The following REDIC1 variants were observed in gnomAD, a reference collection of about 807,000 sequenced individuals.
REDIC1 encodes HEI10 Interacting Protein 1.
chr12:39,802,625 CTATT>C, the REDIC1 span, among the ~76,000 whole-genome samples: 1 of 152,160 alleles, frequency 6.6e-6, no homozygotes, highest in South Asian at 2.1e-4. Context: ...AGACCGTTAT[CTATT>C]TATCTGTCTA....
At chr12:39,900,488 A>G in the REDIC1 span, among the ~76,000 whole-genome samples, 1 of 152,212 alleles carries the variant, frequency 6.6e-6, no homozygotes, top group East Asian at 1.9e-4. Context: ...ACTTCAGCAA[A>G]GTCTCAGGAT....
the REDIC1 span, among the ~76,000 whole-genome samples, chr12:39,698,452 A>G: frequency 2.6e-5 from 4 of 152,196 alleles, no homozygotes; most frequent in Admixed American, 2.0e-4. Flanking sequence ...CAGAAAGAAC[A>G]CTGATGAAAA....
the REDIC1 span, among the ~76,000 whole-genome samples, chr12:39,672,055 G>A: frequency 1.3e-4 from 20 of 152,012 alleles, no homozygotes; most frequent in Admixed American, 2.0e-4. Flanking sequence ...CAGGACAAGC[G>A]CCAGGACTCT....
the REDIC1 span, among the ~76,000 whole-genome samples, chr12:39,687,895 CAA>C: frequency 4.1e-4 from 62 of 152,252 alleles, no homozygotes; most frequent in African/African-American, 1.4e-3. Flanking sequence ...GTCTTCACAG[CAA>C]AAGAGACTGA....
At chr12:39,785,523 GGAAATGTGGGGTCAGAGCCCCCACAGA>G in the REDIC1 span, among the ~76,000 whole-genome samples, 4 of 152,338 alleles carry the variant, frequency 2.6e-5, no homozygotes, top group East Asian at 7.7e-4. Flanking sequence ...ACTGCTGAAG[GGAAATGTGGGGTCAGAGCCCCCACAGA>G]GAGTCCCTAC....
At chr12:39,734,712 A>C in the REDIC1 span, among the ~76,000 whole-genome samples, 17 of 152,196 alleles carry the variant, frequency 1.1e-4, no homozygotes, top group Admixed American at 1.1e-3. Flanking sequence ...TTTGAACTCT[A>C]TTCTGTTTCA....
At chr12:39,677,176 A>C in the REDIC1 span, among the ~76,000 whole-genome samples, 1 of 152,134 alleles carries the variant, frequency 6.6e-6, no homozygotes, top group Non-Finnish European at 1.5e-5. Context: ...CCATCCACCA[A>C]GTATCCATTG....
chr12:39,698,648 T>G, the REDIC1 span, among the ~76,000 whole-genome samples: 8 of 152,234 alleles, frequency 5.3e-5, no homozygotes, highest in Admixed American at 3.9e-4. Flanking sequence ...CAAATATCTT[T>G]TCTAACTACA....
the REDIC1 span, among the ~76,000 whole-genome samples, chr12:39,730,461 T>G: frequency 6.6e-6 from 1 of 152,238 alleles, no homozygotes; most frequent in Non-Finnish European, 1.5e-5. Flanking sequence ...AAAATTCTTT[T>G]CTTTAAAATG....
At chr12:39,728,144 T>C in the REDIC1 span, among the ~76,000 whole-genome samples, 1 of 152,206 alleles carries the variant, frequency 6.6e-6, no homozygotes, top group Non-Finnish European at 1.5e-5. Context: ...TTCTTTCTCT[T>C]GCCTGATTAC....
chr12:39,661,241 C>T, the REDIC1 span, among the ~76,000 whole-genome samples: 2 of 152,190 alleles, frequency 1.3e-5, no homozygotes, highest in African/African-American at 2.4e-5. Flanking sequence ...CATTCTTTTC[C>T]GTAATGACAG....
At chr12:39,874,393 C>T in the REDIC1 span, among the ~76,000 whole-genome samples, 2 of 152,078 alleles carry the variant, frequency 1.3e-5, no homozygotes, top group Non-Finnish European at 2.9e-5. Context: ...GCGGGTGGAT[C>T]ACCTGAGGAC....
chr12:39,780,534 C>T, the REDIC1 span, among the ~76,000 whole-genome samples: 6 of 152,202 alleles, frequency 3.9e-5, no homozygotes, highest in Admixed American at 2.0e-4. Context: ...GGCAGGTCTG[C>T]GCCTCTGTGT....
chr12:39,895,917 CAT>C, the REDIC1 span, among the ~76,000 whole-genome samples: 5 of 142,016 alleles, frequency 3.5e-5, no homozygotes, highest in Non-Finnish European at 7.7e-5. Context: ...TATATGTATG[CAT>C]ATATGTGTAT....
At chr12:39,627,200 A>T in the REDIC1 span, among the ~76,000 whole-genome samples, 4 of 152,212 alleles carry the variant, frequency 2.6e-5, no homozygotes, top group Non-Finnish European at 5.9e-5. Context: ...TAAGTATTGT[A>T]GCTATGCCTG....
At chr12:39,710,332 C>A in the REDIC1 span, among the ~76,000 whole-genome samples, 2 of 151,826 alleles carry the variant, frequency 1.3e-5, no homozygotes, top group Non-Finnish European at 2.9e-5. Context: ...TTTAAATGTA[C>A]ATACAGGCAA....
chr12:39,631,541 G>T, the REDIC1 span, among the ~76,000 whole-genome samples: 1 of 151,838 alleles, frequency 6.6e-6, no homozygotes, highest in Admixed American at 6.6e-5. Context: ...ATATTTAAAA[G>T]AATCAAATAT....
chr12:39,656,985 A>G, the REDIC1 span, among the ~76,000 whole-genome samples: 2 of 152,222 alleles, frequency 1.3e-5, no homozygotes, highest in Admixed American at 6.5e-5. Flanking sequence ...AGGTTAATTT[A>G]TTGATGAAAG....
the REDIC1 span, among the ~76,000 whole-genome samples, chr12:39,634,732 C>G: frequency 1.1e-4 from 17 of 152,130 alleles, no homozygotes; most frequent in Non-Finnish European, 2.4e-4. Context: ...TGGGCAAAGA[C>G]TTCATGACTA....
Sources: gnomAD v4.1 joint callset for allele counts (sites outside exome capture counted in the v4.1 genomes callset) on GRCh38, gnomAD v4.1.1 for gene constraint, MANE v1.5 for transcripts, NCBI Gene and HGNC (gene_info 2026-07-23, HGNC 2026-07-21) for gene names.